Variants in CABP1 observed in about 807,000 individuals in gnomAD.
CABP1 encodes the protein calcium binding protein 1.
In CABP1, 17 loss-of-function variants were observed where a neutral mutation model predicts 34.3. The observed-to-expected ratio is 0.50, with a 90% CI of 0.34 to 0.74. The LOEUF is 0.74. Ranked by LOEUF, CABP1 falls within the 30% of genes least tolerant of loss-of-function variation. CABP1 has a pLI of 0.01. For missense variants in CABP1, 373 were observed against 511.1 expected (o/e 0.73, Z 2.61); for synonymous variants, 198 against 229.2 (o/e 0.86, Z 1.23).
At chr12:120,650,509 G>A (rs1377101815) in intron 1 of CABP1, 5 of 1,573,364 alleles carry the variant, frequency 3.2e-6, no homozygotes, top group East Asian at 2.2e-5. Context: ...GCTCACATCC[G>A]TCCTGGAGGA....
chr12:120,659,772 CA>C, intron 1 of CABP1, 105 bp from the exon 2 acceptor site: 1 of 986,000 alleles, frequency 1.0e-6, no homozygotes, highest in Non-Finnish European at 1.6e-6. Flanking sequence ...GCATCCTCGT[CA>C]CCTCCTACCC....
In CABP1 at chr12:120,660,374, G is replaced by T. The variant is rs1477096746; in HGVS notation, c.829+35G>T. On this transcript the variant is annotated intron_variant, in intron 3 of 5. Coordinates refer to ENST00000316803, the MANE Select transcript of CABP1 (RefSeq NM_001033677.2). This position sits in a 1 kb window ranked among gnomAD's most constrained non-coding sequence, Gnocchi z 5.0. ...TCTACCAGGCATCTGCGTCCCTTCG[G>T]TCCTCACCCTTGCCGTCCTCTGCAG... 2.5e-6 allele frequency: 4 copies of T among 1,601,986 alleles called. No individual in the cohort carries two copies. The highest frequency in any genetic ancestry group is 2.6e-6 in the Non-Finnish European group (3 of 1,175,624).
rs144453942 is a variant in CABP1, at chr12:120,643,287, A to G, written c.654+1948A>G. ...CATTCAGTTTGGGCTTCCATCTGAC[A>G]CCTCGAAGTCATCTACGTGAGCAAC... On this transcript the variant is annotated intron_variant, in intron 1 of 5. Transcript: ENST00000316803. Among the ~76,000 whole-genome samples the G allele has an allele frequency of 8.1e-3, 1,238 of 152,254 alleles. 20 individuals are homozygous for G. Among genetic ancestry groups the G allele is most frequent in the African/African-American group, 0.028 (1,156 of 41,538 alleles).
At chr12:120,675,634 G>C in the CABP1 span, among the ~76,000 whole-genome samples, 1 of 152,218 alleles carries the variant, frequency 6.6e-6, no homozygotes, top group South Asian at 2.1e-4. Flanking sequence ...TCTCTGGCCT[G>C]ACATATTTAT....
chr12:120,647,056 C>T (rs534558081), intron 1 of CABP1, among the ~76,000 whole-genome samples: 9 of 152,340 alleles, frequency 5.9e-5, no homozygotes, highest in East Asian at 1.9e-4. Context: ...CTGTTTCCAA[C>T]GACAGAGGCA....
chr12:120,656,174 C>G (rs1321518180), intron 1 of CABP1: 1 of 1,613,718 alleles, frequency 6.2e-7, no homozygotes, highest in Non-Finnish European at 8.5e-7. Context: ...GCTCCCGGGA[C>G]CGCTCCTGAT....
In CABP1 at chr12:120,660,619, T is replaced by C. The variant is rs1880565256; in HGVS notation, c.830-112T>C. 1.3e-6 allele frequency: 1 copy of C among 783,262 alleles called. No homozygotes were observed. The allele number at this position is 783,262 out of a possible 1,614,324, so 48.5% of individuals were successfully genotyped here. A position where few individuals can be genotyped will look rare whatever the true frequency, so the allele number is the denominator to read the frequency against. On this transcript the variant is annotated intron_variant, in intron 3 of 5. Transcript: ENST00000316803. The surrounding 1 kb of genome is among the most constrained non-coding windows in gnomAD (Gnocchi z 5.0). ...AGAGGGCTCTTGTTATTATTAAGTT[T>C]GTCTCTATCTGATGAGCAGGTCAAG...
chr12:120,642,995 G>GAAAAAAAAAAAAAAAAAAAAAAA (rs55874841), intron 1 of CABP1, among the ~76,000 whole-genome samples: 1 of 69,502 alleles, frequency 1.4e-5, no homozygotes, highest in Non-Finnish European at 2.4e-5. Flanking sequence ...CTCAGCTCCT[G>GAAAAAAAAAAAAAAAAAAAAAAA]AAAAAAAAAA....
chr12:120,668,221 G>A (rs928793945), downstream of CABP1, among the ~76,000 whole-genome samples: 2 of 152,218 alleles, frequency 1.3e-5, no homozygotes, highest in East Asian at 1.9e-4. Flanking sequence ...CACTGGCTGC[G>A]CGCCGTGGCT....
chr12:120,676,374 T>C, the CABP1 span, among the ~76,000 whole-genome samples: 7 of 152,138 alleles, frequency 4.6e-5, no homozygotes, highest in African/African-American at 1.7e-4. Flanking sequence ...CTCCCCAATG[T>C]GTCTGGATCT....
intron 1 of CABP1, among the ~76,000 whole-genome samples, chr12:120,642,291 T>C (rs1299865488): frequency 1.3e-5 from 2 of 151,990 alleles, no homozygotes; most frequent in East Asian, 3.8e-4. Flanking sequence ...GCGTGGTTTG[T>C]AGGGAAACAG....
downstream of CABP1, among the ~76,000 whole-genome samples, chr12:120,669,555 G>A (rs1393340222): frequency 6.6e-6 from 1 of 152,130 alleles, no homozygotes; most frequent in Non-Finnish European, 1.5e-5. Flanking sequence ...CAAAGAAGTG[G>A]CAAGCCTGGC....
At chr12:120,648,638 C>T (rs1378510999) in intron 1 of CABP1, among the ~76,000 whole-genome samples, 5 of 151,858 alleles carry the variant, frequency 3.3e-5, no homozygotes, top group African/African-American at 4.8e-5. Flanking sequence ...CCCAGCACTT[C>T]GGGAGGCCAA....
At chr12:120,673,662 T>G in the CABP1 span, among the ~76,000 whole-genome samples, 5 of 152,112 alleles carry the variant, frequency 3.3e-5, no homozygotes, top group Admixed American at 6.6e-5. Flanking sequence ...CAATCTGAGC[T>G]CTACTACTTA....
Position 120,661,351 on chromosome 12 carries a change from C to T in CABP1, c.1087+133C>T. Reference sequence around the variant, plus strand: ...CCCCCAGCCCTTTCATCCTCTTATCCCTCCGTCCATGCCCCCGTCTAATCC... The same window carrying T: ...CCCCCAGCCCTTTCATCCTCTTATCTCTCCGTCCATGCCCCCGTCTAATCC... On this transcript the variant is annotated intron_variant, in intron 5 of 5. Coordinates refer to ENST00000316803, the MANE Select transcript of CABP1 (RefSeq NM_001033677.2). The surrounding 1 kb of genome is among the most constrained non-coding windows in gnomAD (Gnocchi z 5.1). The T allele has an allele frequency of 1.0e-6, 1 of 957,802 alleles. No individual in the cohort carries two copies. Among genetic ancestry groups the T allele is most frequent in the South Asian group, 1.7e-5 (1 of 59,298 alleles). 59.3% of individuals were successfully genotyped at this position (957,802 alleles called of 1,614,324 possible). A position where few individuals can be genotyped will look rare whatever the true frequency, so the allele number is the denominator to read the frequency against.
chr12:120,663,146 GTCCC>G (rs1880760764), intron 5 of CABP1, among the ~76,000 whole-genome samples: 1 of 152,134 alleles, frequency 6.6e-6, no homozygotes, highest in Non-Finnish European at 1.5e-5. Context: ...TCTTCACACT[GTCCC>G]CTAACTGCTG....
At chr12:120,653,276 AC>A (rs1879963589) in intron 1 of CABP1, among the ~76,000 whole-genome samples, 1 of 151,414 alleles carries the variant, frequency 6.6e-6, no homozygotes, top group Non-Finnish European at 1.5e-5. Context: ...CTATTTATTC[AC>A]CTCCTCTTGC....
At chr12:120,654,888 T>C (rs1880078510) in intron 1 of CABP1, among the ~76,000 whole-genome samples, 1 of 152,116 alleles carries the variant, frequency 6.6e-6, no homozygotes, top group South Asian at 2.1e-4. Flanking sequence ...AGCACAGCTA[T>C]ATTAGGTAAG....
At position 120,651,288 on chromosome 12, in the gene CABP1, C is replaced by T. The variant is rs569113063; in HGVS notation, c.655-8590C>T. Among the ~76,000 whole-genome samples the T allele has an allele frequency of 2.0e-5, 3 of 152,232 alleles. No homozygotes were observed. The South Asian group carries it at 6.2e-4, about 32-fold the overall frequency. ...GTTTTTCCATTAAGAAGTAGGCTGC[C>T]CGGGTGATGTGTTGAGCAGGGGTTG... is the stretch of plus-strand genomic sequence containing the variant. On this transcript the variant is annotated intron_variant, in intron 1 of 5. Coordinates refer to ENST00000316803, the MANE Select transcript of CABP1 (RefSeq NM_001033677.2).
Sources: gnomAD v4.1 joint callset for allele counts (sites outside exome capture counted in the v4.1 genomes callset) on GRCh38, gnomAD v4.1.1 for gene constraint, Gnocchi (gnomAD v3.1) non-coding constraint, MANE v1.5 for transcripts, NCBI Gene and HGNC (gene_info 2026-07-23, HGNC 2026-07-21) for gene names.